The following CEP112 variants were observed in gnomAD, a reference collection of about 807,000 sequenced individuals.
The protein encoded by CEP112 is centrosomal protein of 112 kDa.
Under a neutral mutation model 153.0 loss-of-function variants are expected in CEP112, and 127 were observed. The observed-to-expected ratio is 0.83, with a 90% CI of 0.72 to 0.96. CEP112 has a LOEUF of 0.96. Among genes scored for constraint, CEP112 ranks in the 40% least tolerant of loss-of-function variants. The pLI, the probability that CEP112 is intolerant of heterozygous loss-of-function variation, is 0.00. For missense variants in CEP112, 1,089 were observed against 1,101.2 expected (o/e 0.99, Z 0.16); for synonymous variants, 358 against 374.4 (o/e 0.96, Z 0.51).
intron 20 of CEP112, among the ~76,000 whole-genome samples, chr17:65,888,086 C>G (rs2059345988): frequency 6.6e-6 from 1 of 152,186 alleles, no homozygotes; most frequent in African/African-American, 2.4e-5. Context: ...CAATATCACT[C>G]TTCCTTCTCC....
chr17:65,994,096 T>A (rs2063695376), intron 17 of CEP112, among the ~76,000 whole-genome samples: 1 of 151,816 alleles, frequency 6.6e-6, no homozygotes, highest in African/African-American at 2.4e-5. Context: ...AGAAGACATC[T>A]CCAGTTCATG....
At chr17:66,143,440 A>G (rs1212992531) in intron 4 of CEP112, among the ~76,000 whole-genome samples, 2 of 152,216 alleles carry the variant, frequency 1.3e-5, no homozygotes, top group African/African-American at 4.8e-5. Flanking sequence ...AAAGGCTTCT[A>G]AACGTTTCCA....
intron 24 of CEP112, among the ~76,000 whole-genome samples, chr17:65,654,479 T>C (rs913097058): frequency 6.6e-6 from 1 of 152,188 alleles, no homozygotes; most frequent in Non-Finnish European, 1.5e-5. Flanking sequence ...AGCCTGCTGC[T>C]TAACAGGCCT....
At chr17:66,015,878 C>T (rs188082137) in intron 16 of CEP112, among the ~76,000 whole-genome samples, 63 of 152,168 alleles carry the variant, frequency 4.1e-4, no homozygotes, top group Non-Finnish European at 7.5e-4. Flanking sequence ...TTGTTATATA[C>T]TGGTTTTCTA....
intron 23 of CEP112, among the ~76,000 whole-genome samples, chr17:65,715,272 G>A (rs986354497): frequency 7.9e-5 from 12 of 152,050 alleles, no homozygotes; most frequent in Non-Finnish European, 1.6e-4. Context: ...GAGAAGCCAG[G>A]GTCAGGTGCT....
At chr17:65,846,803 T>A (rs1361163570) in intron 21 of CEP112, among the ~76,000 whole-genome samples, 2 of 152,170 alleles carry the variant, frequency 1.3e-5, no homozygotes, top group Non-Finnish European at 2.9e-5. Flanking sequence ...TCTCCTGACC[T>A]TGTGATTCGC....
chr17:66,164,827 C>T (rs983927793), intron 4 of CEP112, among the ~76,000 whole-genome samples: 6 of 151,226 alleles, frequency 4.0e-5, no homozygotes, highest in Non-Finnish European at 7.4e-5. Context: ...TGCACTCCAG[C>T]CTGGGCAACA....
At chr17:66,076,400 G>C (rs2067499522) in intron 8 of CEP112, among the ~76,000 whole-genome samples, 1 of 152,104 alleles carries the variant, frequency 6.6e-6, no homozygotes, top group South Asian at 2.1e-4. Context: ...CCTGAAGACT[G>C]TGTGGGAGCT....
At chr17:65,988,267 A>C (rs1222124967) in intron 17 of CEP112, among the ~76,000 whole-genome samples, 1 of 152,250 alleles carries the variant, frequency 6.6e-6, no homozygotes, top group Non-Finnish European at 1.5e-5. Flanking sequence ...CAACAAATCA[A>C]TTATAATGAA....
At chr17:65,813,363 A>G (rs1395101844) in intron 21 of CEP112, among the ~76,000 whole-genome samples, 8 of 152,208 alleles carry the variant, frequency 5.3e-5, no homozygotes, top group Non-Finnish European at 8.8e-5. Context: ...ATGAGGAATT[A>G]GGAACCCAAT....
chr17:66,098,222 T>A (rs1344548071), intron 6 of CEP112, among the ~76,000 whole-genome samples: 1 of 152,200 alleles, frequency 6.6e-6, no homozygotes, highest in African/African-American at 2.4e-5. Context: ...TCTTCAATCA[T>A]CCAGTAGTGC....
intron 1 of CEP112, among the ~76,000 whole-genome samples, chr17:66,187,687 T>C (rs899964196): frequency 1.3e-5 from 2 of 152,230 alleles, no homozygotes; most frequent in Non-Finnish European, 2.9e-5. Context: ...ATAGTGATTG[T>C]ATTCAGTACC....
chr17:66,176,044 CTT>C (rs1311158145), intron 3 of CEP112, among the ~76,000 whole-genome samples: 1 of 152,178 alleles, frequency 6.6e-6, no homozygotes, highest in Non-Finnish European at 1.5e-5. Flanking sequence ...GTCATTAAAA[CTT>C]TTGGCATTGT....
intron 4 of CEP112, among the ~76,000 whole-genome samples, chr17:66,135,684 C>T (rs928155966): frequency 1.3e-5 from 2 of 152,096 alleles, no homozygotes; most frequent in African/African-American, 4.8e-5. Flanking sequence ...AGCCATAAAA[C>T]TAGGAGAATA....
chr17:65,706,695 A>C (rs1453047356), intron 23 of CEP112, among the ~76,000 whole-genome samples: 1 of 152,202 alleles, frequency 6.6e-6, no homozygotes. Flanking sequence ...TAGTTATCCA[A>C]ATCAGGAACT....
intron 17 of CEP112, among the ~76,000 whole-genome samples, chr17:65,978,911 C>A (rs17625127): frequency 0.52 from 79,148 of 152,012 alleles, 21,613 homozygotes; most frequent in African/African-American, 0.6. Context: ...GCTGAGTTCT[C>A]TAAAGACATA....
chr17:65,931,008 T>A (rs1419062028), intron 18 of CEP112, among the ~76,000 whole-genome samples: 1 of 152,230 alleles, frequency 6.6e-6, no homozygotes, highest in African/African-American at 2.4e-5. Flanking sequence ...ATTGTGTATT[T>A]CTCTATAAAA....
intron 8 of CEP112, among the ~76,000 whole-genome samples, chr17:66,089,667 A>G (rs1485605331): frequency 3.3e-5 from 5 of 152,172 alleles, no homozygotes; most frequent in African/African-American, 1.2e-4. Context: ...AGGAATGACG[A>G]AAGTTTACAG....
chr17:65,937,355 C>A (rs1409968447), intron 18 of CEP112, among the ~76,000 whole-genome samples: 1 of 109,684 alleles, frequency 9.1e-6, no homozygotes, highest in Non-Finnish European at 1.8e-5. Context: ...CGGCCGCCAT[C>A]CCATCTAGGA....
Sources: gnomAD v4.1 joint callset for allele counts (sites outside exome capture counted in the v4.1 genomes callset) on GRCh38, gnomAD v4.1.1 for gene constraint, MANE v1.5 for transcripts, NCBI Gene and HGNC (gene_info 2026-07-23, HGNC 2026-07-21) for gene names.